The following NDUFA10 variants were observed in gnomAD, a reference collection of about 807,000 sequenced individuals.
NDUFA10 encodes the protein NADH:ubiquinone oxidoreductase subunit A10, also known as NADH dehydrogenase [ubiquinone] 1 alpha subcomplex subunit 10, mitochondrial.
Under a neutral mutation model 47.8 loss-of-function variants are expected in NDUFA10, and 40 were observed. The ratio of observed to expected loss-of-function variants is 0.84; its 90% CI spans 0.65 to 1.09. The LOEUF (loss-of-function observed/expected upper bound fraction) is 1.09, where lower values mean the gene tolerates loss of function less well. NDUFA10 is among the 50% of genes least tolerant of loss of function. The pLI is 0.00. For missense variants in NDUFA10, 413 were observed against 451.1 expected, an observed-to-expected ratio of 0.92 and a Z score of 0.76; for synonymous variants, 183 against 172.2, an observed-to-expected ratio of 1.06 and a Z score of -0.49.
chr2:240,010,527 T>C (rs1444103439), intron 6 of NDUFA10, among the ~76,000 whole-genome samples: 1 of 152,156 alleles, frequency 6.6e-6, no homozygotes, highest in African/African-American at 2.4e-5. Flanking sequence ...GTTTATGCTG[T>C]TTATTCACGT....
intron 3 of NDUFA10, among the ~76,000 whole-genome samples, chr2:240,020,410 T>C (rs1697572942): frequency 6.6e-6 from 1 of 152,228 alleles, no homozygotes. Flanking sequence ...CGCCGTGGCA[T>C]GGTAGCTTTG....
At chr2:239,902,791 A>G (rs1163674443) in intron 4 of NDUFA10, among the ~76,000 whole-genome samples, 1 of 152,204 alleles carries the variant, frequency 6.6e-6, no homozygotes, top group Non-Finnish European at 1.5e-5. Flanking sequence ...AGGCAAACAA[A>G]GCACCCAGAC....
At chr2:239,926,338 TCAA>T (rs1414132079) in intron 4 of NDUFA10, among the ~76,000 whole-genome samples, 1 of 152,160 alleles carries the variant, frequency 6.6e-6, no homozygotes, top group Non-Finnish European at 1.5e-5. Flanking sequence ...AATGCTTCAG[TCAA>T]CAACAGACCA....
intron 4 of NDUFA10, among the ~76,000 whole-genome samples, chr2:239,919,996 C>A (rs1693941262): frequency 6.6e-6 from 1 of 152,206 alleles, no homozygotes; most frequent in Non-Finnish European, 1.5e-5. Context: ...GTGTGTGCCC[C>A]AGCACCTGTG....
At chr2:239,979,800 G>A (rs1185341281) in intron 9 of NDUFA10, among the ~76,000 whole-genome samples, 2 of 152,068 alleles carry the variant, frequency 1.3e-5, no homozygotes, top group African/African-American at 4.8e-5. Flanking sequence ...CAGGAGTACC[G>A]CTGAACTGAG....
chr2:239,927,351 A>G (rs1341763066), intron 4 of NDUFA10, among the ~76,000 whole-genome samples: 3 of 152,218 alleles, frequency 2.0e-5, no homozygotes, highest in Admixed American at 1.3e-4. Context: ...TATGAAGTAA[A>G]AGACTTAGAG....
chr2:240,012,887 G>C (rs1278605328), intron 5 of NDUFA10: 1 of 152,206 alleles, frequency 6.6e-6, no homozygotes, highest in African/African-American at 2.4e-5. Context: ...CAGCCTCCTA[G>C]GTGCCTGGCA....
Position 240,014,865 on chromosome 2 carries a change from C to T in NDUFA10, c.548-5G>A, listed in dbSNP as rs560561798. 1.2e-6 allele frequency: 2 copies of T among 1,614,212 alleles called. No homozygotes were observed. Among genetic ancestry groups the T allele is most frequent in the Admixed American group, 3.3e-5 (2 of 60,024 alleles). ...CCTCGTTGTAGTGGTCCACACCTGG[C>T]ACATAGGAGAAAGGGGCGCTGTCAC... is the stretch of plus-strand genomic sequence containing the variant. On this transcript the variant is annotated splice_polypyrimidine_tract_variant and splice_region_variant and intron_variant, in intron 4 of 9. Coordinates refer to ENST00000252711, the MANE Select transcript of NDUFA10 (RefSeq NM_004544.4).
At position 239,961,273 on chromosome 2, in the gene NDUFA10, C is replaced by G. The variant is rs146757010; in HGVS notation, c.1000-87G>C. 2,206 of 1,601,996 alleles carry G rather than the reference C, an allele frequency of 1.4e-3. 3 individuals carry two copies. The highest frequency in any genetic ancestry group is 1.8e-3 in the Non-Finnish European group (2,100 of 1,173,814). On this transcript the variant is annotated intron_variant, in intron 9 of 9. Coordinates refer to ENST00000252711, the MANE Select transcript of NDUFA10 (RefSeq NM_004544.4). ...TAGTTCAATGTCTACCCGGCAGATG[C>G]CTGTACTTCATGAGTTCCTTCAGCA...
intron 6 of NDUFA10, among the ~76,000 whole-genome samples, chr2:240,008,818 C>T (rs1318506828): frequency 6.6e-6 from 1 of 152,224 alleles, no homozygotes; most frequent in African/African-American, 2.4e-5. Flanking sequence ...CCCAAACTAC[C>T]TGATGAGAGC....
chr2:239,978,305 T>G (rs1695612022), intron 9 of NDUFA10, among the ~76,000 whole-genome samples: 2 of 152,162 alleles, frequency 1.3e-5, no homozygotes, highest in Non-Finnish European at 1.5e-5. Context: ...CTCCTGACAC[T>G]TCTCTCAAGG....
chr2:239,967,600 T>G (rs1398249848), intron 9 of NDUFA10, among the ~76,000 whole-genome samples: 1 of 152,214 alleles, frequency 6.6e-6, no homozygotes, highest in Non-Finnish European at 1.5e-5. Flanking sequence ...CCACAATTAC[T>G]TCCTAAGTGC....
At chr2:239,894,171 C>G (rs1693347783) in intron 5 of NDUFA10, among the ~76,000 whole-genome samples, 1 of 148,246 alleles carries the variant, frequency 6.7e-6, no homozygotes, top group African/African-American at 2.5e-5. Context: ...CTGTCCTCAG[C>G]TCCATCCCAG....
At chr2:239,948,272 A>G (rs976426263) in intron 4 of NDUFA10, among the ~76,000 whole-genome samples, 7 of 152,140 alleles carry the variant, frequency 4.6e-5, no homozygotes, top group African/African-American at 1.7e-4. Context: ...TGTGCTCCGG[A>G]CAATGGCCTC....
intron 4 of NDUFA10, among the ~76,000 whole-genome samples, chr2:239,922,287 C>G (rs1012869817): frequency 1.3e-5 from 2 of 152,168 alleles, no homozygotes; most frequent in African/African-American, 4.8e-5. Context: ...CTCAGCTGGC[C>G]AACCCCACAG....
intron 9 of NDUFA10, chr2:239,983,751 A>G (rs1208716075): frequency 4.5e-6 from 7 of 1,545,304 alleles, no homozygotes; most frequent in African/African-American, 1.4e-5. Flanking sequence ...CAACTGAGGG[A>G]GAGTCTACAA....
intron 4 of NDUFA10, among the ~76,000 whole-genome samples, chr2:239,947,690 G>A (rs1694478081): frequency 6.6e-6 from 1 of 152,208 alleles, no homozygotes; most frequent in Non-Finnish European, 1.5e-5. Context: ...CTGCTGCCGT[G>A]AGCTCCTCCA....
At chr2:239,915,846 C>T (rs1004454851) in intron 4 of NDUFA10, among the ~76,000 whole-genome samples, 1 of 151,176 alleles carries the variant, frequency 6.6e-6, no homozygotes, top group Non-Finnish European at 1.5e-5. Flanking sequence ...ACAGAACACA[C>T]ACATACACAG....
At chr2:239,926,798 A>G (rs1694074697) in intron 4 of NDUFA10, among the ~76,000 whole-genome samples, 1 of 152,182 alleles carries the variant, frequency 6.6e-6, no homozygotes, top group Non-Finnish European at 1.5e-5. Context: ...TCATGCTGCT[A>G]ATAAAGACGT....
Sources: allele counts gnomAD v4.1 joint callset (sites outside exome capture counted in the v4.1 genomes callset), GRCh38; gene constraint gnomAD v4.1.1; transcripts MANE v1.5; gene names NCBI Gene and HGNC (gene_info 2026-07-23, HGNC 2026-07-21).